HNRNPH3: variants seen among roughly 807,000 people sequenced by gnomAD.
HNRNPH3 encodes heterogeneous nuclear ribonucleoprotein H3, also known as heterogeneous nuclear ribonucleoprotein 2H9.
A neutral mutation model predicts 47.0 loss-of-function variants in HNRNPH3; 7 were observed. The ratio of observed to expected loss-of-function variants is 0.15; its 90% confidence interval spans 0.08 to 0.28. The LOEUF is 0.28. Ranked by LOEUF, HNRNPH3 falls within the 10% of genes least tolerant of loss-of-function variation. The pLI, the probability that HNRNPH3 is intolerant of heterozygous loss-of-function variation, is 1.00. For missense variants in HNRNPH3, 279 were observed against 449.6 expected (o/e 0.62, Z 3.43); for synonymous variants, 120 against 143.2 (o/e 0.84, Z 1.16).
At chr10:68,341,555 C>T (rs1456144109) in intron 7 of HNRNPH3, 30 bp from the exon 8 acceptor site, 6 of 1,415,382 alleles carry the variant, frequency 4.2e-6, no homozygotes, top group Admixed American at 3.7e-5. Flanking sequence ...ATTCCTTTCT[C>T]CCCTGTTACT....
In HNRNPH3 at chr10:68,341,665, G is replaced by A. The variant is rs1301125565; in HGVS notation, c.856G>A (p.Gly286Arg). The A allele has an allele frequency of 1.6e-5, 25 of 1,612,494 alleles. No homozygotes were observed. The highest frequency in any genetic ancestry group is 2.1e-5 in the Non-Finnish European group (25 of 1,178,634). Residue 286 changes from glycine to arginine, a missense_variant, in exon 8 of 10, where the codon GGA (glycine) becomes AGA (arginine). Physicochemically the swap from Gly to Arg is moderately radical, Grantham distance 125. This residue lies in a region of HNRNPH3 where 239 missense variants were observed against 335.8 expected (regional missense o/e 0.71). Coordinates refer to ENST00000265866, the MANE Select transcript of HNRNPH3 (RefSeq NM_012207.3). ...GGGAGGTTCTGGAATGGGAGGCTAC[G>A]GAAGAGATGGAATGGGTATGTAAAG... ...GMGGSGMGGY[G>R]RDGMDNQGGY...
chr10:68,331,987 G>C (rs1218600383), upstream of HNRNPH3: 1 of 152,528 alleles, frequency 6.6e-6, no homozygotes, highest in African/African-American at 2.4e-5. Flanking sequence ...CCCGTCTCGC[G>C]AGAGTGGGGC....
At chr10:68,340,783 C>T (rs2045867102) in intron 6 of HNRNPH3, among the ~76,000 whole-genome samples, 1 of 149,412 alleles carries the variant, frequency 6.7e-6, no homozygotes. Flanking sequence ...CATGATATCC[C>T]GTATTTCTCT....
rs2045652465 is a variant in HNRNPH3, at chr10:68,338,497, A to C, written c.252-6A>C. 1 of 1,572,376 alleles carries C rather than the reference A, an allele frequency of 6.4e-7. No individual in the cohort carries two copies. Among genetic ancestry groups the C allele is most frequent in the African/African-American group, 1.4e-5 (1 of 73,266 alleles). On this transcript the variant is annotated splice_region_variant and splice_polypyrimidine_tract_variant and intron_variant, in intron 3 of 9. Transcript: ENST00000265866. ...GAAACCTGTACCTTAAAACATTTTT[A>C]AATAGGTATATTGAGATCTTCAGAA... is the stretch of plus-strand genomic sequence containing the variant.
intron 4 of HNRNPH3, 89 bp downstream of exon 4, chr10:68,338,776 C>A: frequency 9.1e-7 from 1 of 1,098,876 alleles, no homozygotes; most frequent in Non-Finnish European, 1.3e-6. Flanking sequence ...GCAGTAATTT[C>A]AGTACCTATT....
rs1372982164 is a variant in HNRNPH3, at chr10:68,338,677, A to G, written c.426A>G (p.Gly142=). 6.3e-7 allele frequency: 1 copy of G among 1,591,566 alleles called. No homozygotes were observed. Among genetic ancestry groups the G allele is most frequent in the Non-Finnish European group, 8.6e-7 (1 of 1,168,460 alleles). ...ACAGAATGCGACGAGGAGGTGATGGATATGATGGTGGTATGTGTATCTAAT... is the reference window on the plus strand; with the variant it reads ...ACAGAATGCGACGAGGAGGTGATGGGTATGATGGTGGTATGTGTATCTAAT... The part of the protein sequence containing the change: ...MYDRMRRGGD[G]YDGGYGGFDD... Residue 142 remains glycine, a synonymous_variant, in exon 4 of 10, where the codon GGA becomes GGG. Transcript: ENST00000265866.
rs762184640 is a variant in HNRNPH3 at position 68,339,498 on chromosome 10, T to G, written c.582T>G (p.Gly194=). The change falls in exon 6 of 10, where the codon GGT becomes GGG. Residue 194 remains glycine, a synonymous_variant. Coordinates refer to ENST00000265866, the MANE Select transcript of HNRNPH3 (RefSeq NM_012207.3). ...AGDASSGFHG[G]HFVHMRGLPF... ...ATGCAAGTTCAGGTTTTCATGGTGG[T>G]CATTTCGTACATATGAGAGGGTTGC... is the stretch of plus-strand genomic sequence containing the variant. 4 of 1,614,084 alleles carry G rather than the reference T, an allele frequency of 2.5e-6. No individual in the cohort carries two copies. In the South Asian group the frequency reaches 3.3e-5, roughly 13 times the overall value.
chr10:68,341,722 G>T, intron 8 of HNRNPH3, 37 bp from the exon 9 acceptor site: 1 of 1,580,732 alleles, frequency 6.3e-7, no homozygotes, highest in Non-Finnish European at 8.6e-7. Context: ...GCTGCTTATC[G>T]ATGAGTCTCA....
chr10:68,341,892 A>G, intron 9 of HNRNPH3, 41 bp downstream of exon 9: 1 of 1,588,942 alleles, frequency 6.3e-7, no homozygotes, highest in South Asian at 1.1e-5. Flanking sequence ...CCGCATATGT[A>G]GTGCAAACTT....
intron 1 of HNRNPH3, among the ~76,000 whole-genome samples, chr10:68,335,895 T>C (rs2045522755): frequency 6.6e-6 from 1 of 152,174 alleles, no homozygotes; most frequent in South Asian, 2.1e-4. Flanking sequence ...AGTTGTAATG[T>C]CAGTTAAAAG....
Position 68,342,933 on chromosome 10 carries a change from G to A in HNRNPH3, c.*879G>A, listed in dbSNP as rs2046050047. On this transcript the variant is annotated 3_prime_UTR_variant, in exon 10 of 10. Coordinates refer to ENST00000265866, the MANE Select transcript of HNRNPH3 (RefSeq NM_012207.3). ...AAATGATGACTTTAAAAAAATGTAA[G>A]CAACAAGTCCATGTCATAGTCAATA... 6.6e-6 allele frequency: 1 copy of A among 152,094 alleles called. No individual in the cohort carries two copies. Among genetic ancestry groups the A allele is most frequent in the South Asian group, 2.1e-4 (1 of 4,826 alleles). 9.4% of individuals were successfully genotyped at this position (152,094 alleles called of 1,614,324 possible). A position where few individuals can be genotyped will look rare whatever the true frequency, so the allele number is the denominator to read the frequency against.
chr10:68,338,066 TGGG>T, intron 3 of HNRNPH3, 70 bp downstream of exon 3: 1 of 1,180,808 alleles, frequency 8.5e-7, no homozygotes, highest in Non-Finnish European at 1.2e-6. Flanking sequence ...ATTGCTTAAA[TGGG>T]GGGGTAGCCA....
Position 68,342,058 on chromosome 10 carries a change from C to G in HNRNPH3, c.*4C>G, listed in dbSNP as rs534127538. ...TGGATGGCGTGGGATGTACTGAAAG[C>G]AAAAACACCAACATACAAGTCTTGA... is the stretch of plus-strand genomic sequence containing the variant. On this transcript the variant is annotated 3_prime_UTR_variant, in exon 10 of 10. Coordinates refer to ENST00000265866, the MANE Select transcript of HNRNPH3 (RefSeq NM_012207.3). 2.5e-6 allele frequency: 4 copies of G among 1,607,682 alleles called. No individual in the cohort carries two copies. The East Asian group carries it at 8.9e-5, about 36-fold the overall frequency.
In HNRNPH3 at chr10:68,337,714, T is replaced by G; in HGVS notation, c.113-144T>G. ...CAGTAATATTTGAAAAAATCTTTCA[T>G]TTGTATTATGGGGTGATGGGAAACT... is the stretch of plus-strand genomic sequence containing the variant. On this transcript the variant is annotated intron_variant, in intron 2 of 9. Transcript: ENST00000265866. This position sits in a 1 kb window ranked among gnomAD's most constrained non-coding sequence, Gnocchi z 4.5. 5.6e-6 allele frequency: 4 copies of G among 716,046 alleles called. No homozygotes were observed. Among genetic ancestry groups the G allele is most frequent in the Non-Finnish European group, 9.0e-6 (4 of 443,548 alleles). The allele number at this position is 716,046 out of a possible 1,614,324, so 44.4% of individuals were successfully genotyped here.
chr10:68,338,694 G>GTATC lies in HNRNPH3; in HGVS notation c.436+10_436+13dup. 2 of 1,559,056 alleles carry GTATC rather than the reference G, an allele frequency of 1.3e-6. No individual in the cohort carries two copies. The highest frequency in any genetic ancestry group is 1.7e-6 in the Non-Finnish European group (2 of 1,151,844). ...GGTGATGGATATGATGGTGGTATGT[G>GTATC]TATCTAATGAACAAAGGTTCTGTTG... On this transcript the variant is annotated splice_region_variant and intron_variant, in intron 4 of 9. Transcript: ENST00000265866.
chr10:68,335,981 A>G (rs1318839733), intron 1 of HNRNPH3, among the ~76,000 whole-genome samples: 1 of 152,176 alleles, frequency 6.6e-6, no homozygotes, highest in Non-Finnish European at 1.5e-5. Context: ...GAGGTACTTA[A>G]CTACTTCCAG....
chr10:68,341,727 G>A, intron 8 of HNRNPH3, 32 bp from the exon 9 acceptor site: 3 of 1,582,744 alleles, frequency 1.9e-6, no homozygotes, highest in Non-Finnish European at 2.6e-6. Context: ...TTATCGATGA[G>A]TCTCAATTTT....
chr10:68,335,328 T>C (rs559193235), intron 1 of HNRNPH3, among the ~76,000 whole-genome samples: 100 of 152,020 alleles, frequency 6.6e-4, no homozygotes, highest in African/African-American at 2.4e-3. Flanking sequence ...GCAGAGTTCT[T>C]CAATTTTTCA....
chr10:68,338,315 T>A (rs1365452350), intron 3 of HNRNPH3, 188 bp from the exon 4 acceptor site: 6 of 465,344 alleles, frequency 1.3e-5, no homozygotes, highest in Non-Finnish European at 3.8e-6. Context: ...TTTCCGTGAC[T>A]AATTTCTTTG....
Sources: allele counts gnomAD v4.1 joint callset (sites outside exome capture counted in the v4.1 genomes callset), GRCh38; gene constraint gnomAD v4.1.1; regional missense constraint gnomAD v4.1.1; non-coding constraint Gnocchi (gnomAD v3.1); transcripts MANE v1.5; gene names NCBI Gene and HGNC (gene_info 2026-07-23, HGNC 2026-07-21).